The following KIAA0825 variants were observed in gnomAD, a reference collection of about 807,000 sequenced individuals.
The protein encoded by KIAA0825 is uncharacterized protein KIAA0825.
In KIAA0825, 119 loss-of-function variants were observed where a neutral mutation model predicts 147.6. The observed-to-expected ratio is 0.81, with a 90% CI of 0.69 to 0.94. KIAA0825 has a LOEUF of 0.94. KIAA0825 is among the 40% of genes least tolerant of loss of function. The pLI, the probability that KIAA0825 is intolerant of heterozygous loss-of-function variation, is 0.00. For synonymous variants in KIAA0825, 470 were observed against 518.1 expected (o/e 0.91, Z 1.26); for missense variants, 1,381 against 1,472.7 (o/e 0.94, Z 1.02).
rs916378243 is a variant in KIAA0825, at chr5:94,590,244, G to A, written c.-152-7661C>T. On this transcript the variant is annotated intron_variant, in intron 1 of 20. Transcript: ENST00000682413. ...TCCCAACCTCAAGTGATCTGTCCGCGTCAGCCTTCCAAAGTGCTGGGATTA... is the reference window on the plus strand; with the variant it reads ...TCCCAACCTCAAGTGATCTGTCCGCATCAGCCTTCCAAAGTGCTGGGATTA... 3.3e-5 allele frequency among the ~76,000 whole-genome samples: 5 copies of A among 152,122 alleles called. No individual in the cohort carries two copies. The East Asian group carries it at 9.7e-4, about 29-fold the overall frequency.
At chr5:94,178,177 A>C (rs578181450) in intron 20 of KIAA0825, among the ~76,000 whole-genome samples, 23 of 152,070 alleles carry the variant, frequency 1.5e-4, no homozygotes, top group African/African-American at 5.3e-4. Context: ...TAGCCTTACT[A>C]ATTTATATTT....
At chr5:94,569,993 G>C (rs141455853) in intron 2 of KIAA0825, 1 of 152,926 alleles carries the variant, frequency 6.5e-6, no homozygotes, top group Non-Finnish European at 1.5e-5. Flanking sequence ...TCTATTGTCC[G>C]CCATTCCATA....
rs554840803 is a variant in KIAA0825, at chr5:94,200,650, A to G, written c.3711-46526T>C. On this transcript the variant is annotated intron_variant, in intron 20 of 20. Transcript: ENST00000682413. ...ATCCAAATAAAACAGAACCAGCACT[A>G]GAACTCAGGACCCTTGACCTGCAAA... 2.0e-5 allele frequency among the ~76,000 whole-genome samples: 3 copies of G among 152,234 alleles called. No homozygotes were observed. In the South Asian group the frequency reaches 6.2e-4, roughly 32 times the overall value.
intron 20 of KIAA0825, among the ~76,000 whole-genome samples, chr5:94,184,068 C>T (rs546098719): frequency 1.1e-4 from 16 of 152,158 alleles, no homozygotes; most frequent in African/African-American, 2.2e-4. Context: ...GCACTAACTC[C>T]GGGTAGTTGG....
intron 10 of KIAA0825, 43 bp downstream of exon 10, chr5:94,469,918 C>G (rs1761011955): frequency 2.0e-6 from 3 of 1,488,306 alleles, no homozygotes; most frequent in Non-Finnish European, 2.7e-6. Context: ...CGCAGTAAAA[C>G]ATATTTGTGT....
At chr5:94,268,800 G>T (rs1385295163) in intron 20 of KIAA0825, among the ~76,000 whole-genome samples, 1 of 152,022 alleles carries the variant, frequency 6.6e-6, no homozygotes, top group Non-Finnish European at 1.5e-5. Context: ...CCTAATATTT[G>T]ATTTATATCT....
intron 5 of KIAA0825, among the ~76,000 whole-genome samples, chr5:94,497,051 C>T (rs746456493): frequency 6.6e-6 from 1 of 152,060 alleles, no homozygotes; most frequent in African/African-American, 2.4e-5. Context: ...TTAACAGTTA[C>T]CATTTACTGA....
chr5:94,243,836 G>T (rs1483205142), intron 20 of KIAA0825, among the ~76,000 whole-genome samples: 1 of 152,126 alleles, frequency 6.6e-6, no homozygotes, highest in African/African-American at 2.4e-5. Flanking sequence ...AGCCCTCAAA[G>T]ATTTATCATC....
intron 2 of KIAA0825, among the ~76,000 whole-genome samples, chr5:94,572,612 A>G (rs1043181706): frequency 6.6e-6 from 1 of 152,210 alleles, no homozygotes; most frequent in African/African-American, 2.4e-5. Context: ...TTTCTATGGC[A>G]TGACATGGAA....
chr5:94,260,757 C>G (rs533444043), intron 20 of KIAA0825, among the ~76,000 whole-genome samples: 1 of 152,228 alleles, frequency 6.6e-6, no homozygotes, highest in African/African-American at 2.4e-5. Context: ...GAAGAGAACT[C>G]AGCAGCATTA....
rs553461491 is a variant in KIAA0825, at chr5:94,487,581, T to G, written c.971-2651A>C. Reference sequence around the variant, plus strand: ...GCCTAAGCGTATGTTTCTCTGTCCCTTAAACTCTTATTGTTAACAAAATTA... The same window carrying G: ...GCCTAAGCGTATGTTTCTCTGTCCCGTAAACTCTTATTGTTAACAAAATTA... On this transcript the variant is annotated intron_variant, in intron 5 of 20. Coordinates refer to ENST00000682413, the MANE Select transcript of KIAA0825 (RefSeq NM_001145678.3). Among the ~76,000 whole-genome samples the G allele has an allele frequency of 5.3e-4, 81 of 152,360 alleles. No homozygotes were observed. In the South Asian group the frequency reaches 0.015, roughly 29 times the overall value.
intron 20 of KIAA0825, among the ~76,000 whole-genome samples, chr5:94,182,250 C>CTTTTTGTTTTTTTT (rs1769703383): frequency 2.6e-5 from 1 of 38,276 alleles, no homozygotes; most frequent in African/African-American, 1.1e-4. Context: ...AATGTCCCTT[C>CTTTTTGTTTTTTTT]TTTTTTTTTT....
At chr5:94,429,868 G>T (rs996359007) in intron 14 of KIAA0825, among the ~76,000 whole-genome samples, 1 of 152,220 alleles carries the variant, frequency 6.6e-6, no homozygotes, top group Non-Finnish European at 1.5e-5. Context: ...GCCTAAACTT[G>T]TAATCTAGGA....
chr5:94,396,607 A>C, intron 16 of KIAA0825, 98 bp from the exon 17 acceptor site: 1 of 1,004,950 alleles, frequency 1.0e-6, no homozygotes, highest in Non-Finnish European at 1.4e-6. Context: ...TTGTGGAGAA[A>C]ATTGGCAAGA....
chr5:94,387,133 C>T (rs562728921), intron 18 of KIAA0825, among the ~76,000 whole-genome samples: 1 of 152,184 alleles, frequency 6.6e-6, no homozygotes, highest in African/African-American at 2.4e-5. Flanking sequence ...CTAATAAATG[C>T]TTACTATTAA....
chr5:94,536,151 T>C (rs1035866657), intron 3 of KIAA0825, among the ~76,000 whole-genome samples: 2 of 152,232 alleles, frequency 1.3e-5, no homozygotes, highest in Non-Finnish European at 2.9e-5. Flanking sequence ...TCCAACAATA[T>C]GCTATCTTTT....
intron 20 of KIAA0825, among the ~76,000 whole-genome samples, chr5:94,362,483 G>C (rs1405756369): frequency 6.6e-6 from 1 of 152,070 alleles, no homozygotes; most frequent in African/African-American, 2.4e-5. Flanking sequence ...CTACTTAGTT[G>C]AACCCTTTGT....
At chr5:94,249,765 A>G (rs1462503369) in intron 20 of KIAA0825, among the ~76,000 whole-genome samples, 1 of 121,812 alleles carries the variant, frequency 8.2e-6, no homozygotes, top group Non-Finnish European at 1.8e-5. Context: ...ACATCATATT[A>G]TTTTGCTTTT....
intron 17 of KIAA0825, among the ~76,000 whole-genome samples, chr5:94,392,629 T>G (rs1038642708): frequency 7.2e-5 from 11 of 152,334 alleles, no homozygotes; most frequent in African/African-American, 2.4e-4. Context: ...TTTCCAAGAC[T>G]AAATAAAATT....
Sources: allele counts gnomAD v4.1 joint callset (sites outside exome capture counted in the v4.1 genomes callset), GRCh38; gene constraint gnomAD v4.1.1; transcripts MANE v1.5; gene names NCBI Gene and HGNC (gene_info 2026-07-23, HGNC 2026-07-21).